The following ADCK1 variants were observed in gnomAD, a reference collection of about 807,000 sequenced individuals.
ADCK1 encodes aarF domain containing kinase 1.
ADCK1 carries 41 observed loss-of-function variants against 52.3 expected under a neutral mutation model. The observed-to-expected ratio is 0.78, with a 90% confidence interval of 0.61 to 1.02. ADCK1 has a LOEUF of 1.02. Among genes scored for constraint, ADCK1 ranks in the 50% least tolerant of loss-of-function variants. ADCK1 has a pLI of 0.00. For missense variants in ADCK1, 658 were observed against 679.5 expected, an observed-to-expected ratio of 0.97 and a Z score of 0.35; for synonymous variants, 250 against 274.6, an observed-to-expected ratio of 0.91 and a Z score of 0.89.
intron 3 of ADCK1, among the ~76,000 whole-genome samples, chr14:77,845,916 A>G (rs2082164333): frequency 1.3e-5 from 2 of 152,126 alleles, no homozygotes; most frequent in Non-Finnish European, 2.9e-5. Context: ...CAATTTCATA[A>G]TGAAAAGTCC....
intron 3 of ADCK1, among the ~76,000 whole-genome samples, chr14:77,833,985 A>G (rs1263576822): frequency 2.0e-5 from 3 of 152,142 alleles, no homozygotes; most frequent in Non-Finnish European, 4.4e-5. Flanking sequence ...TTCAGTGATC[A>G]CCCTCATGCT....
intron 3 of ADCK1, among the ~76,000 whole-genome samples, chr14:77,854,547 G>A (rs952277034): frequency 1.6e-4 from 21 of 131,032 alleles, no homozygotes; most frequent in East Asian, 2.2e-4. Context: ...AGCTCTCTTC[G>A]GAGTGGGCTT....
chr14:77,813,057 C>T (rs1184476069), intron 1 of ADCK1, among the ~76,000 whole-genome samples: 1 of 152,030 alleles, frequency 6.6e-6, no homozygotes, highest in East Asian at 1.9e-4. Flanking sequence ...GGCTGGAGTG[C>T]AATGGTGTGA....
intron 6 of ADCK1, among the ~76,000 whole-genome samples, chr14:77,900,958 A>G (rs10132606): frequency 0.55 from 82,834 of 151,788 alleles, 22,863 homozygotes; most frequent in East Asian, 0.69. Flanking sequence ...CGGCTTCTAC[A>G]TGCTCTGAGG....
At chr14:77,880,101 C>T (rs1055656863) in intron 4 of ADCK1, among the ~76,000 whole-genome samples, 16 of 152,182 alleles carry the variant, frequency 1.1e-4, no homozygotes, top group Admixed American at 7.9e-4. Flanking sequence ...AGCTGATAGA[C>T]GTGTCTCAGA....
At chr14:77,880,844 A>G (rs914537900) in intron 4 of ADCK1, among the ~76,000 whole-genome samples, 2 of 152,220 alleles carry the variant, frequency 1.3e-5, no homozygotes, top group Admixed American at 6.5e-5. Context: ...AGTACACCCT[A>G]TGTAATTAAC....
At chr14:77,905,111 G>T (rs1480575516) in intron 6 of ADCK1, among the ~76,000 whole-genome samples, 1 of 151,980 alleles carries the variant, frequency 6.6e-6, no homozygotes. Flanking sequence ...TGTTTCCCAG[G>T]TTTGATATTT....
At chr14:77,916,248 G>A (rs561414663) in intron 7 of ADCK1, among the ~76,000 whole-genome samples, 4 of 151,874 alleles carry the variant, frequency 2.6e-5, no homozygotes, top group Non-Finnish European at 5.9e-5. Flanking sequence ...CACCTGCTCT[G>A]GTATCTGGGT....
intron 5 of ADCK1, among the ~76,000 whole-genome samples, chr14:77,896,241 C>CAA (rs1174705323): frequency 6.6e-6 from 1 of 152,074 alleles, no homozygotes; most frequent in Non-Finnish European, 1.5e-5. Context: ...AAAAATTCCA[C>CAA]AAAAAACAGT....
intron 7 of ADCK1, 34 bp downstream of exon 7, chr14:77,907,953 G>A: frequency 6.3e-7 from 1 of 1,595,474 alleles, no homozygotes; most frequent in Non-Finnish European, 8.6e-7. Flanking sequence ...CTGTGCCGGG[G>A]AACGTGGGCT....
chr14:77,807,360 G>C (rs1037553427), intron 1 of ADCK1, among the ~76,000 whole-genome samples: 6 of 151,872 alleles, frequency 4.0e-5, no homozygotes, highest in Admixed American at 6.6e-5. Context: ...GAGCCACCGC[G>C]CCCGGCCTGG....
At position 77,933,638 on chromosome 14, in the gene ADCK1, A is replaced by G. The variant is rs754504413; in HGVS notation, c.*247A>G. On this transcript the variant is annotated 3_prime_UTR_variant, in exon 11 of 11. Coordinates refer to ENST00000238561, the MANE Select transcript of ADCK1 (RefSeq NM_020421.4). ...AGAAGACTCAGCAGCCTACATTCCC[A>G]TTCCTGGTATGTGCCATTGGGTTGG... The G allele has an allele frequency of 3.9e-5, 19 of 489,294 alleles. 2 individuals carry two copies. The highest frequency in any genetic ancestry group is 1.1e-3 in the Middle Eastern group (2 of 1,894). The allele number at this position is 489,294 out of a possible 1,614,324, so 30.3% of individuals were successfully genotyped here. A position where few individuals can be genotyped will look rare whatever the true frequency, so the allele number is the denominator to read the frequency against.
chr14:77,844,114 C>A (rs530520454), intron 3 of ADCK1, among the ~76,000 whole-genome samples: 2 of 152,048 alleles, frequency 1.3e-5, no homozygotes, highest in East Asian at 3.9e-4. Context: ...GTTGCTCAGG[C>A]TGGAGTGCAG....
chr14:77,860,772 C>T (rs2082527516), intron 4 of ADCK1, among the ~76,000 whole-genome samples: 1 of 152,186 alleles, frequency 6.6e-6, no homozygotes, highest in African/African-American at 2.4e-5. Context: ...TCTTGGCCCC[C>T]AGCTTCTAAC....
intron 3 of ADCK1, among the ~76,000 whole-genome samples, chr14:77,826,060 C>G (rs767994105): frequency 1.3e-5 from 2 of 152,184 alleles, no homozygotes; most frequent in African/African-American, 2.4e-5. Flanking sequence ...GACACTGTAG[C>G]TCCTAGATAA....
At chr14:77,823,491 C>T (rs915346345) in intron 3 of ADCK1, among the ~76,000 whole-genome samples, 1 of 152,186 alleles carries the variant, frequency 6.6e-6, no homozygotes, top group African/African-American at 2.4e-5. Context: ...AGAATGAACT[C>T]TGGTGGAACT....
chr14:77,858,417 T>C (rs562569409), intron 3 of ADCK1, among the ~76,000 whole-genome samples: 162 of 152,120 alleles, frequency 1.1e-3, no homozygotes, highest in African/African-American at 3.8e-3. Context: ...TTTTTTTGTA[T>C]TTTTAGTAGA....
intron 5 of ADCK1, among the ~76,000 whole-genome samples, chr14:77,893,738 T>TTCCTTCCTTTC (rs540072186): frequency 0.051 from 5,306 of 103,812 alleles, 336 homozygotes; most frequent in African/African-American, 0.11. Context: ...CCTTCCTTCC[T>TTCCTTCCTTTC]TTTTTTTTTT....
chr14:77,849,415 A>G (rs578094034), intron 3 of ADCK1, among the ~76,000 whole-genome samples: 2 of 152,104 alleles, frequency 1.3e-5, no homozygotes, highest in East Asian at 1.9e-4. Flanking sequence ...TCTTTGCCCT[A>G]TGAGTTCTTT....
Sources: allele counts gnomAD v4.1 joint callset (sites outside exome capture counted in the v4.1 genomes callset), GRCh38; gene constraint gnomAD v4.1.1; transcripts MANE v1.5; gene names NCBI Gene and HGNC (gene_info 2026-07-23, HGNC 2026-07-21).